The following DIPK2B variants were observed in gnomAD, a reference collection of about 807,000 sequenced individuals.
The protein encoded by DIPK2B is UPF0672 protein CXorf36.
In DIPK2B, 15 loss-of-function variants were observed where a neutral mutation model predicts 22.2. The ratio of observed to expected loss-of-function variants is 0.68; its 90% CI spans 0.45 to 1.04. The LOEUF is 1.04. Among genes scored for constraint, DIPK2B ranks in the 50% least tolerant of loss-of-function variants. The pLI, the probability that DIPK2B is intolerant of heterozygous loss-of-function variation, is 0.00. For missense variants in DIPK2B, 345 were observed against 348.3 expected (o/e 0.99, Z 0.08); for synonymous variants, 163 against 153.2 (o/e 1.06, Z -0.47).
intron 2 of DIPK2B, among the ~76,000 whole-genome samples, chrX:45,167,495 CAAAAAA>C (rs1156692662): frequency 8.1e-5 from 2 of 24,691 alleles, no homozygotes; most frequent in African/African-American, 1.6e-4. Context: ...AAGACTGTCT[CAAAAAA>C]AAAAAAAAAA....
chrX:45,162,730 C>G, intron 2 of DIPK2B: 1 of 754,288 alleles, frequency 1.3e-6, no homozygotes, highest in Non-Finnish European at 1.6e-6. Flanking sequence ...AAAAGATAAC[C>G]AAACCCTGGA....
At chrX:45,192,405 G>T (rs1255726087) in intron 1 of DIPK2B, among the ~76,000 whole-genome samples, 2 of 110,627 alleles carry the variant, frequency 1.8e-5, no homozygotes, top group African/African-American at 3.3e-5. Context: ...AAGTACCTTG[G>T]CCAAGGTCAG....
intron 3 of DIPK2B, among the ~76,000 whole-genome samples, chrX:45,156,158 G>A (rs1006684565): frequency 2.8e-5 from 3 of 108,250 alleles, no homozygotes; most frequent in African/African-American, 3.4e-5. Context: ...TTTTAGTAGA[G>A]ACTGGGCTTC....
rs141296501 is a variant in DIPK2B, at chrX:45,191,976, G to A, written c.273C>T (p.Pro91=). The change falls in exon 2 of 5, where the codon CCC becomes CCT. Residue 91 remains proline, a synonymous_variant. Coordinates refer to ENST00000398000, the MANE Select transcript of DIPK2B (RefSeq NM_176819.4). Reference sequence around the variant, plus strand: ...TTGCAGGATAAGAAAGCAAGGAATCGGGAGGCAGTCCAAGGTGGGAAGCCA... The same window carrying A: ...TTGCAGGATAAGAAAGCAAGGAATCAGGAGGCAGTCCAAGGTGGGAAGCCA... ...NWLASHLGLP[P]DSLLSYPANY... The A allele has an allele frequency of 7.4e-5, 90 of 1,209,619 alleles. No individual in the cohort carries two copies. The highest frequency in any genetic ancestry group is 1.1e-4 in the South Asian group (6 of 56,693).
chrX:45,154,054 C>T lies in DIPK2B; in HGVS notation c.817G>A (p.Gly273Ser), dbSNP rs1300937539. 2 of 1,208,983 alleles carry T rather than the reference C, an allele frequency of 1.7e-6. No homozygotes were observed. Among genetic ancestry groups the T allele is most frequent in the African/African-American group, 3.5e-5 (2 of 56,841 alleles). Residue 273 changes from glycine (G) to serine (S), a missense_variant, in exon 4 of 5, where the codon GGT (glycine) becomes AGT (serine). Gly to Ser is a moderately conservative substitution (Grantham distance 56). Transcript: ENST00000398000. ...QAADLAYQLL[G>S]VLESLRSNDL... ...TTGCTCCTCAAAGACTCCAGGACACCCAGGAGCTGGTAGGCAAGGTCGGCT... is the reference window on the plus strand; with the variant it reads ...TTGCTCCTCAAAGACTCCAGGACACTCAGGAGCTGGTAGGCAAGGTCGGCT...
chrX:45,178,190 C>A (rs759872482), intron 2 of DIPK2B, among the ~76,000 whole-genome samples: 1 of 112,154 alleles, frequency 8.9e-6, no homozygotes, highest in South Asian at 3.7e-4. Context: ...ATATGCTGGG[C>A]TGAAAAACCA....
chrX:45,191,541 G>A, intron 2 of DIPK2B: 1 of 443,424 alleles, frequency 2.3e-6, no homozygotes, highest in East Asian at 3.9e-5. Flanking sequence ...CAGAGAGAAT[G>A]AGAAATGACA....
At chrX:45,173,817 C>A (rs781672490) in intron 2 of DIPK2B, among the ~76,000 whole-genome samples, 2 of 110,646 alleles carry the variant, frequency 1.8e-5, no homozygotes, top group Non-Finnish European at 3.8e-5. Context: ...GCGATCCTCC[C>A]GCCTTGGCCT....
chrX:45,161,823 C>T lies in DIPK2B; in HGVS notation c.499-3935G>A, dbSNP rs1044654152. On this transcript the variant is annotated intron_variant, in intron 2 of 4. Transcript: ENST00000398000. ...TAGTACTCAATGTGAGAGTGGACAA[C>T]AGGAATATTGTTTGCTGAGGTGATT... Among the ~76,000 whole-genome samples the T allele has an allele frequency of 3.6e-5, 4 of 111,691 alleles. No individual in the cohort carries two copies. In the East Asian group the frequency reaches 8.4e-4, roughly 24 times the overall value.
intron 1 of DIPK2B, among the ~76,000 whole-genome samples, chrX:45,196,279 T>C (rs934423782): frequency 9.0e-6 from 1 of 111,161 alleles, no homozygotes; most frequent in South Asian, 3.8e-4. Flanking sequence ...GTCACCTGAA[T>C]GAATGGGTGG....
At chrX:45,171,965 C>T (rs1259302856) in intron 2 of DIPK2B, among the ~76,000 whole-genome samples, 1 of 111,976 alleles carries the variant, frequency 8.9e-6, no homozygotes, top group East Asian at 2.8e-4. Context: ...GTACCCCAAC[C>T]CACAATTCCT....
At chrX:45,190,301 A>T (rs1218549707) in intron 2 of DIPK2B, among the ~76,000 whole-genome samples, 6 of 112,076 alleles carry the variant, frequency 5.4e-5, no homozygotes, top group Non-Finnish European at 1.1e-4. Flanking sequence ...GTTAAAGAAT[A>T]TCAGAGCTTG....
intron 3 of DIPK2B, among the ~76,000 whole-genome samples, chrX:45,156,510 C>G (rs771839064): frequency 2.7e-5 from 3 of 112,012 alleles, no homozygotes; most frequent in African/African-American, 9.7e-5. Context: ...CCCGCAATTC[C>G]TTTTCCTCTT....
intron 2 of DIPK2B, chrX:45,163,546 G>A (rs893414668): frequency 5.3e-6 from 4 of 752,530 alleles, no homozygotes; most frequent in Non-Finnish European, 4.7e-6. Flanking sequence ...CCATACCCCC[G>A]AGTGTTTGCT....
At chrX:45,157,945 TG>T in intron 2 of DIPK2B, 57 bp from the exon 3 acceptor site, 3 of 474,589 alleles carry the variant, frequency 6.3e-6, no homozygotes, top group Non-Finnish European at 8.1e-6. Context: ...TAAGCTCTTG[TG>T]GGGGGTTAGC....
intron 2 of DIPK2B, among the ~76,000 whole-genome samples, chrX:45,174,031 G>T (rs1242067204): frequency 9.0e-6 from 1 of 111,211 alleles, no homozygotes; most frequent in African/African-American, 3.3e-5. Context: ...CTTCCTAGAG[G>T]CTGGGTGTGA....
chrX:45,190,677 C>T (rs747011728), intron 2 of DIPK2B, among the ~76,000 whole-genome samples: 25 of 111,937 alleles, frequency 2.2e-4, no homozygotes, highest in Non-Finnish European at 3.8e-4. Flanking sequence ...CTCACTTTGC[C>T]ATAGCTTTTA....
chrX:45,165,918 G>T (rs992328185), intron 2 of DIPK2B, among the ~76,000 whole-genome samples: 2 of 111,223 alleles, frequency 1.8e-5, no homozygotes, highest in East Asian at 2.8e-4. Flanking sequence ...TGTGCTAGAC[G>T]TGCCTTCCAT....
At chrX:45,157,932 C>A (rs2047003728) in intron 2 of DIPK2B, 44 bp from the exon 3 acceptor site, 4 of 912,740 alleles carry the variant, frequency 4.4e-6, no homozygotes, top group Non-Finnish European at 5.6e-6. Flanking sequence ...GGGGGCGGGG[C>A]GCTAAGCTCT....
Sources: gnomAD v4.1 joint callset for allele counts (sites outside exome capture counted in the v4.1 genomes callset) on GRCh38, gnomAD v4.1.1 for gene constraint, MANE v1.5 for transcripts, NCBI Gene and HGNC (gene_info 2026-07-23, HGNC 2026-07-21) for gene names.